Variants in SLC25A26 observed in about 807,000 individuals in gnomAD.
SLC25A26 encodes mitochondrial S-adenosylmethionine carrier protein.
SLC25A26 carries 36 observed loss-of-function variants against 37.8 expected under a neutral mutation model. The observed-to-expected ratio is 0.95, with a 90% CI of 0.73 to 1.26. The LOEUF (loss-of-function observed/expected upper bound fraction) is 1.26. SLC25A26 is among the 50% of genes most tolerant of loss of function. The pLI, the probability that SLC25A26 is intolerant of heterozygous loss-of-function variation, is 0.00. For missense variants in SLC25A26, 390 were observed against 331.1 expected (o/e 1.18, Z -1.38); for synonymous variants, 129 against 122.5 (o/e 1.05, Z -0.35).
intron 5 of SLC25A26, among the ~76,000 whole-genome samples, chr3:66,335,396 A>G (rs1366121896): frequency 6.6e-6 from 1 of 152,232 alleles, no homozygotes; most frequent in Non-Finnish European, 1.5e-5. Context: ...AATGTAAAGA[A>G]TGGGATTTAT....
chr3:66,260,495 G>T (rs1382657791), intron 3 of SLC25A26, among the ~76,000 whole-genome samples: 1 of 152,152 alleles, frequency 6.6e-6, no homozygotes, highest in African/African-American at 2.4e-5. Flanking sequence ...AATAACTTCA[G>T]GTTATGAATC....
intron 1 of SLC25A26, among the ~76,000 whole-genome samples, chr3:66,146,426 A>G (rs2070115634): frequency 6.6e-6 from 1 of 152,146 alleles, no homozygotes; most frequent in Non-Finnish European, 1.5e-5. Context: ...ACACACAAAG[A>G]ATATAATATG....
chr3:66,279,326 C>G (rs115796921), intron 5 of SLC25A26, among the ~76,000 whole-genome samples: 1,950 of 152,202 alleles, frequency 0.013, 52 homozygotes, highest in African/African-American at 0.044. Context: ...TTTGCTGTTT[C>G]CTGAAGGCCG....
chr3:66,213,080 T>A (rs976298695), intron 1 of SLC25A26, among the ~76,000 whole-genome samples: 1 of 152,294 alleles, frequency 6.6e-6, no homozygotes, highest in South Asian at 2.1e-4. Flanking sequence ...GACTAAGGAA[T>A]GTTACCATTG....
chr3:66,150,303 G>T (rs1290103781), intron 1 of SLC25A26, among the ~76,000 whole-genome samples: 1 of 151,390 alleles, frequency 6.6e-6, no homozygotes, highest in Non-Finnish European at 1.5e-5. Flanking sequence ...TTCAAGACCA[G>T]CCTGGCCAAC....
intron 5 of SLC25A26, among the ~76,000 whole-genome samples, chr3:66,340,175 T>G (rs1465401001): frequency 6.6e-6 from 1 of 152,110 alleles, no homozygotes; most frequent in African/African-American, 2.4e-5. Flanking sequence ...ATGTGAAGTC[T>G]TATTTCTGGG....
intron 1 of SLC25A26, among the ~76,000 whole-genome samples, chr3:66,134,647 G>A (rs746871830): frequency 2.6e-5 from 4 of 152,094 alleles, no homozygotes; most frequent in South Asian, 4.1e-4. Flanking sequence ...TTGAAATAGC[G>A]TTTAAGGACT....
intron 5 of SLC25A26, among the ~76,000 whole-genome samples, chr3:66,278,994 ATT>A (rs1039283844): frequency 1.3e-5 from 2 of 151,580 alleles, no homozygotes; most frequent in Non-Finnish European, 2.9e-5. Context: ...CTAAGGCTGT[ATT>A]TTTTTTTGTG....
intron 1 of SLC25A26, among the ~76,000 whole-genome samples, chr3:66,223,967 G>A (rs1241026476): frequency 6.6e-6 from 1 of 152,176 alleles, no homozygotes; most frequent in East Asian, 1.9e-4. Flanking sequence ...TAAAACATGG[G>A]ACAGAGGGGA....
intron 5 of SLC25A26, among the ~76,000 whole-genome samples, chr3:66,267,896 C>T (rs554998994): frequency 3.0e-4 from 46 of 152,260 alleles, no homozygotes; most frequent in Non-Finnish European, 5.4e-4. Flanking sequence ...TGGCTGGAAA[C>T]GGGAACCTTC....
intron 1 of SLC25A26, among the ~76,000 whole-genome samples, chr3:66,161,085 G>A (rs1020588089): frequency 5.3e-5 from 8 of 151,616 alleles, no homozygotes; most frequent in African/African-American, 1.2e-4. Context: ...TAAATAAGCC[G>A]ATTCAGTCTA....
At chr3:66,333,576 C>T (rs561446349) in intron 5 of SLC25A26, among the ~76,000 whole-genome samples, 2 of 152,128 alleles carry the variant, frequency 1.3e-5, no homozygotes, top group African/African-American at 4.8e-5. Context: ...GGGTTTATTC[C>T]CTTCATCTTG....
intron 1 of SLC25A26, among the ~76,000 whole-genome samples, chr3:66,191,576 G>T (rs930478661): frequency 0.23 from 35,422 of 151,972 alleles, 4,572 homozygotes; most frequent in South Asian, 0.37. Flanking sequence ...CTGAATGTTT[G>T]TGTTCCCCCC....
chr3:66,179,028 C>T (rs892790292), intron 1 of SLC25A26, among the ~76,000 whole-genome samples: 5 of 152,014 alleles, frequency 3.3e-5, no homozygotes, highest in East Asian at 1.9e-4. Flanking sequence ...TTTATCTGTA[C>T]GTTTTGTCAT....
chr3:66,135,442 G>A (rs963700040), intron 1 of SLC25A26, among the ~76,000 whole-genome samples: 1 of 152,136 alleles, frequency 6.6e-6, no homozygotes, highest in African/African-American at 2.4e-5. Flanking sequence ...AATCATTAAT[G>A]TTGGCAATAT....
At chr3:66,213,679 A>T (rs997602000) in intron 1 of SLC25A26, among the ~76,000 whole-genome samples, 4 of 152,154 alleles carry the variant, frequency 2.6e-5, no homozygotes, top group Non-Finnish European at 5.9e-5. Flanking sequence ...CTCTTGGTGT[A>T]GTACTTTCTA....
At chr3:66,269,356 G>A (rs1447799635) in intron 5 of SLC25A26, among the ~76,000 whole-genome samples, 1 of 152,144 alleles carries the variant, frequency 6.6e-6, no homozygotes, top group Non-Finnish European at 1.5e-5. Context: ...TGCTTGTAAA[G>A]CTCTTCAGCT....
chr3:66,279,729 T>G (rs183374247), intron 5 of SLC25A26, among the ~76,000 whole-genome samples: 1 of 152,304 alleles, frequency 6.6e-6, no homozygotes, highest in Admixed American at 6.5e-5. Context: ...GTATCCTGAT[T>G]ATGTTTTGGA....
Position 66,356,059 on chromosome 3 carries a change from TAG to T in SLC25A26, c.499-6798_499-6797del, listed in dbSNP as rs775356731. 1.1e-4 allele frequency: 52 copies of T among 456,312 alleles called. 1 individual carries two copies. The Middle Eastern group carries it at 1.6e-3, about 14-fold the overall frequency. The allele number at this position is 456,312 out of a possible 1,614,324, so 28.3% of individuals were successfully genotyped here. A position where few individuals can be genotyped will look rare whatever the true frequency, so the allele number is the denominator to read the frequency against. Reference sequence around the variant, plus strand: ...TGGAAGCCATATAACTGCTTTTGAATAGAGCAGCTAAAGAAGTCCCAAGTTGT... The same window carrying T: ...TGGAAGCCATATAACTGCTTTTGAATAGCAGCTAAAGAAGTCCCAAGTTGT... On this transcript the variant is annotated intron_variant, in intron 6 of 9. Coordinates refer to ENST00000354883, the MANE Select transcript of SLC25A26 (RefSeq NM_001379210.1).
Sources: allele counts gnomAD v4.1 joint callset (sites outside exome capture counted in the v4.1 genomes callset), GRCh38; gene constraint gnomAD v4.1.1; transcripts MANE v1.5; gene names NCBI Gene and HGNC (gene_info 2026-07-23, HGNC 2026-07-21).